The following CCDC42 variants were observed in gnomAD, a reference collection of about 807,000 sequenced individuals.
The protein encoded by CCDC42 is coiled-coil domain-containing protein 42.
A neutral mutation model predicts 40.8 loss-of-function variants in CCDC42; 38 were observed. That is an observed-to-expected ratio of 0.93 (90% CI 0.72 to 1.22). The LOEUF is 1.22. Ranked by LOEUF, CCDC42 falls within the 50% of genes most tolerant of loss-of-function variation. CCDC42 has a pLI of 0.00. For synonymous variants in CCDC42, 135 were observed against 157.5 expected, an observed-to-expected ratio of 0.86 and a Z score of 1.07; for missense variants, 379 against 416.5, an observed-to-expected ratio of 0.91 and a Z score of 0.78.
At chr17:8,739,533 C>A (rs1034502558) in intron 4 of CCDC42, among the ~76,000 whole-genome samples, 2 of 152,126 alleles carry the variant, frequency 1.3e-5, no homozygotes, top group African/African-American at 4.8e-5. Flanking sequence ...ACACATCTTA[C>A]AATTTTTTTT....
chr17:8,744,783 G>A lies in CCDC42; in HGVS notation c.-174C>T, dbSNP rs768946044. On this transcript the variant is annotated 5_prime_UTR_variant, in exon 1 of 7. Transcript: ENST00000293845. ...CAGAAGGTGGCTGGAGACAGGTTGGGCGGCTCAGGACGATGTGCTGGGGCA... is the reference window on the plus strand; with the variant it reads ...CAGAAGGTGGCTGGAGACAGGTTGGACGGCTCAGGACGATGTGCTGGGGCA... 6.4e-6 allele frequency: 4 copies of A among 623,620 alleles called. No individual in the cohort carries two copies. The highest frequency in any genetic ancestry group is 1.8e-5 in the African/African-American group (1 of 54,972). 38.6% of individuals were successfully genotyped at this position (623,620 alleles called of 1,614,324 possible). A position where few individuals can be genotyped will look rare whatever the true frequency, so the allele number is the denominator to read the frequency against.
At chr17:8,742,504 C>T (rs2086651379) in intron 3 of CCDC42, among the ~76,000 whole-genome samples, 2 of 152,222 alleles carry the variant, frequency 1.3e-5, no homozygotes, top group South Asian at 2.1e-4. Context: ...CTGCAGAGCC[C>T]TCCCCTAAGA....
At chr17:8,736,722 A>C (rs1426610690) in intron 4 of CCDC42, among the ~76,000 whole-genome samples, 1 of 152,156 alleles carries the variant, frequency 6.6e-6, no homozygotes, top group Non-Finnish European at 1.5e-5. Flanking sequence ...TCATGGGAGA[A>C]AGTGTGGCTG....
chr17:8,733,957 CT>C (rs1425691602), intron 6 of CCDC42, among the ~76,000 whole-genome samples: 1 of 152,152 alleles, frequency 6.6e-6, no homozygotes, highest in South Asian at 2.1e-4. Context: ...TGTTATTTGC[CT>C]TTTTTTCGCT....
intron 4 of CCDC42, 149 bp downstream of exon 4, chr17:8,741,325 G>T: frequency 1.3e-6 from 1 of 763,530 alleles, no homozygotes; most frequent in Non-Finnish European, 2.2e-6. Context: ...TCGGAGCAGG[G>T]TGCCCATCCT....
chr17:8,732,341 G>C (rs1956736631), intron 6 of CCDC42, among the ~76,000 whole-genome samples: 1 of 118,142 alleles, frequency 8.5e-6, no homozygotes, highest in South Asian at 2.6e-4. Flanking sequence ...GTGTACTCCT[G>C]AACCTAAAAT....
intron 4 of CCDC42, among the ~76,000 whole-genome samples, chr17:8,738,978 CAAAA>C (rs2086626741): frequency 6.6e-6 from 1 of 152,084 alleles, no homozygotes; most frequent in Admixed American, 6.6e-5. Context: ...TGATTTAAGA[CAAAA>C]GAACTGGGGG....
intron 6 of CCDC42, among the ~76,000 whole-genome samples, chr17:8,734,838 T>G (rs2086600145): frequency 6.6e-6 from 1 of 152,214 alleles, no homozygotes; most frequent in African/African-American, 2.4e-5. Context: ...TCTCAAAGTA[T>G]GGAACCCGAA....
intron 3 of CCDC42, 64 bp from the exon 4 acceptor site, chr17:8,741,735 T>C (rs1597346695): frequency 6.6e-7 from 1 of 1,514,442 alleles, no homozygotes; most frequent in East Asian, 2.4e-5. Flanking sequence ...GCCCAGGCCT[T>C]CCTGGGGCTG....
chr17:8,738,831 T>G (rs902325416), intron 4 of CCDC42, among the ~76,000 whole-genome samples: 2 of 152,160 alleles, frequency 1.3e-5, no homozygotes, highest in African/African-American at 4.8e-5. Flanking sequence ...TTACAAAATG[T>G]TACAAAATAA....
intron 3 of CCDC42, among the ~76,000 whole-genome samples, chr17:8,741,999 CTG>C (rs1199003336): frequency 2.0e-5 from 3 of 152,014 alleles, no homozygotes; most frequent in African/African-American, 7.3e-5. Flanking sequence ...GACTTGGGCT[CTG>C]GACTTCAGAG....
chr17:8,735,619 CA>C lies in CCDC42; in HGVS notation c.493-9del, dbSNP rs1460810705. 12 of 1,611,424 alleles carry C rather than the reference CA, an allele frequency of 7.4e-6. No homozygotes were observed. The highest frequency in any genetic ancestry group is 1.7e-5 in the Admixed American group (1 of 59,856). On this transcript the variant is annotated splice_polypyrimidine_tract_variant and intron_variant, in intron 4 of 6. Transcript: ENST00000293845. The surrounding 1 kb of genome is among the most constrained non-coding windows in gnomAD (Gnocchi z 4.7). ...CTCATGGATCTCCTCGAACTGTGGT[CA>C]GGGGCTCAGGTCAATGCACAGCCAG...
intron 3 of CCDC42, among the ~76,000 whole-genome samples, chr17:8,743,014 G>A (rs778034802): frequency 5.2e-4 from 79 of 152,362 alleles, no homozygotes; most frequent in Non-Finnish European, 1.0e-3. Flanking sequence ...AGGTGCTTAA[G>A]AGCGGGGCTT....
intron 6 of CCDC42, among the ~76,000 whole-genome samples, chr17:8,731,322 T>A (rs1194871190): frequency 6.6e-6 from 1 of 152,152 alleles, no homozygotes; most frequent in Non-Finnish European, 1.5e-5. Context: ...GCAAATTAGT[T>A]CAACCATTGT....
At chr17:8,741,451 GC>G (rs764843166) in intron 4 of CCDC42, 22 bp downstream of exon 4, 4 of 1,608,556 alleles carry the variant, frequency 2.5e-6, no homozygotes, top group African/African-American at 2.7e-5. Flanking sequence ...GCCAGGGCCG[GC>G]CCCCCTGCTC....
chr17:8,744,535 C>T lies in CCDC42; in HGVS notation c.75G>A (p.Gln25=). 1.2e-6 allele frequency: 2 copies of T among 1,611,558 alleles called. No individual in the cohort carries two copies. Among genetic ancestry groups the T allele is most frequent in the Non-Finnish European group, 8.5e-7 (1 of 1,179,928 alleles). ...AGGCCTCAGACACTCACTGGAGCAT[C>T]TGCAGCAGCCGCTCCCCATACTGCA... ...FRLQYGERLL[Q]MLQKLPNVEG... The change falls in exon 1 of 7, where the codon CAG becomes CAA. Residue 25 remains glutamine, a synonymous_variant. Transcript: ENST00000293845.
chr17:8,744,529 G>T lies in CCDC42; in HGVS notation c.81C>A (p.Leu27=). The change falls in exon 1 of 7, where the codon CTC becomes CTA. Residue 27 remains leucine, a splice_region_variant and synonymous_variant. Transcript: ENST00000293845. ...LQYGERLLQM[L]QKLPNVEGAS... is the part of the protein sequence containing the mutation. ...CAAGCCAGGCCTCAGACACTCACTG[G>T]AGCATCTGCAGCAGCCGCTCCCCAT... is the stretch of plus-strand genomic sequence containing the variant. 1 of 1,610,782 alleles carries T rather than the reference G, an allele frequency of 6.2e-7. No homozygotes were observed.
chr17:8,742,847 C>T (rs1015256411), intron 3 of CCDC42, among the ~76,000 whole-genome samples: 1 of 152,258 alleles, frequency 6.6e-6, no homozygotes, highest in Non-Finnish European at 1.5e-5. Flanking sequence ...TACTGACCCT[C>T]TGAGAGCCAT....
intron 6 of CCDC42, 38 bp from the exon 7 acceptor site, chr17:8,730,245 C>T (rs202245633): frequency 2.0e-6 from 3 of 1,512,492 alleles, no homozygotes; most frequent in African/African-American, 1.4e-5. Flanking sequence ...CTCCGCCCCC[C>T]AGAGGCCTCC....
Sources: allele counts gnomAD v4.1 joint callset (sites outside exome capture counted in the v4.1 genomes callset), GRCh38; gene constraint gnomAD v4.1.1; non-coding constraint Gnocchi (gnomAD v3.1); transcripts MANE v1.5; gene names NCBI Gene and HGNC (gene_info 2026-07-23, HGNC 2026-07-21).